The following GREB1 variants were observed in gnomAD, a reference collection of about 807,000 sequenced individuals.
GREB1 encodes protein GREB1.
GREB1 carries 106 observed loss-of-function variants against 200.7 expected under a neutral mutation model. The ratio of observed to expected loss-of-function variants is 0.53; its 90% CI spans 0.45 to 0.62. The LOEUF (loss-of-function observed/expected upper bound fraction) is 0.62. Among genes scored for constraint, GREB1 ranks in the 20% least tolerant of loss-of-function variants. The pLI is 0.00. For synonymous variants in GREB1, 1,132 were observed against 1,092.4 expected, an observed-to-expected ratio of 1.04 and a Z score of -0.72; for missense variants, 2,243 against 2,556.8, an observed-to-expected ratio of 0.88 and a Z score of 2.65.
At chr2:11,522,012 G>C (rs1480735563) in intron 1 of GREB1, among the ~76,000 whole-genome samples, 1 of 152,216 alleles carries the variant, frequency 6.6e-6, no homozygotes, top group Admixed American at 6.5e-5. Context: ...CTCAAAATAC[G>C]GAGTTGTCTG....
intron 9 of GREB1, among the ~76,000 whole-genome samples, chr2:11,586,800 C>A (rs1279791115): frequency 2.6e-5 from 4 of 152,212 alleles, no homozygotes; most frequent in African/African-American, 9.7e-5. Flanking sequence ...AAGTAGAGTG[C>A]AACTCTGAGT....
rs1480661384 is a variant in GREB1, at chr2:11,588,240, AG to A, written c.1160-505del. The A allele has an allele frequency of 3.0e-6, 3 of 992,664 alleles. No individual in the cohort carries two copies. The East Asian group carries it at 2.8e-4, about 91-fold the overall frequency. The allele number at this position is 992,664 out of a possible 1,614,324, so 61.5% of individuals were successfully genotyped here. A position where few individuals can be genotyped will look rare whatever the true frequency, so the allele number is the denominator to read the frequency against. On this transcript the variant is annotated intron_variant, in intron 9 of 32. Transcript: ENST00000381486. ...AAGACACTGTCTCAAAAAAAAAAAAAGAATGACTCAGTCTTCTGGTCTCTGT... is the reference window on the plus strand; with the variant it reads ...AAGACACTGTCTCAAAAAAAAAAAAAAATGACTCAGTCTTCTGGTCTCTGT...
At chr2:11,574,592 A>G (rs1295884373) in intron 4 of GREB1, among the ~76,000 whole-genome samples, 1 of 152,198 alleles carries the variant, frequency 6.6e-6, no homozygotes, top group Non-Finnish European at 1.5e-5. Context: ...GCTAGGGGGC[A>G]TTGGGGCAGC....
chr2:11,490,358 GT>G (rs1157310951), intron 1 of GREB1, among the ~76,000 whole-genome samples: 1 of 152,132 alleles, frequency 6.6e-6, no homozygotes, highest in Non-Finnish European at 1.5e-5. Flanking sequence ...TGTTTTCAAG[GT>G]TTACCCGTGT....
At chr2:11,483,715 TG>T (rs1157394168) in intron 1 of GREB1, among the ~76,000 whole-genome samples, 1 of 146,476 alleles carries the variant, frequency 6.8e-6, no homozygotes, top group African/African-American at 2.6e-5. Flanking sequence ...TGTGTGTGTG[TG>T]TGTGTGTGTG....
chr2:11,538,609 G>T (rs184441482), intron 1 of GREB1, among the ~76,000 whole-genome samples: 2 of 99,836 alleles, frequency 2.0e-5, no homozygotes, highest in Admixed American at 2.1e-4. Context: ...AGGAGCTTGT[G>T]TTTCTTTCTT....
At chr2:11,549,577 A>G (rs1675611760) in intron 1 of GREB1, among the ~76,000 whole-genome samples, 5 of 152,234 alleles carry the variant, frequency 3.3e-5, no homozygotes, top group Admixed American at 2.0e-4. Context: ...CAATAACAAA[A>G]TCATTTCAAT....
At chr2:11,615,926 G>C (rs1422105555) in intron 20 of GREB1, among the ~76,000 whole-genome samples, 1 of 152,250 alleles carries the variant, frequency 6.6e-6, no homozygotes, top group Non-Finnish European at 1.5e-5. Flanking sequence ...CGGGTCTGTG[G>C]TCTGCCTTGT....
intron 24 of GREB1, 82 bp from the exon 25 acceptor site, chr2:11,626,879 AT>A: frequency 7.0e-7 from 1 of 1,421,076 alleles, no homozygotes; most frequent in Non-Finnish European, 9.9e-7. Flanking sequence ...TCATTTGAGC[AT>A]TTTTGGTTTC....
At chr2:11,500,239 G>A (rs553684733) in intron 1 of GREB1, among the ~76,000 whole-genome samples, 20 of 152,194 alleles carry the variant, frequency 1.3e-4, no homozygotes, top group African/African-American at 4.3e-4. Context: ...TCGGCTTACC[G>A]CAACCTCCAC....
intron 1 of GREB1, among the ~76,000 whole-genome samples, chr2:11,483,479 ACTGT>A (rs1672567907): frequency 1.3e-5 from 2 of 149,630 alleles, no homozygotes; most frequent in Non-Finnish European, 3.0e-5. Context: ...GTTTAGGGAG[ACTGT>A]CTGGAGCCCA....
intron 5 of GREB1, among the ~76,000 whole-genome samples, chr2:11,577,035 A>AAAACAAACAAACAAAC (rs755354444): frequency 6.6e-6 from 1 of 151,918 alleles, no homozygotes; most frequent in Non-Finnish European, 1.5e-5. Context: ...ACTCCATCTC[A>AAAACAAACAAACAAAC]AAACAAACAA....
At chr2:11,578,646 T>C (rs1399883409) in intron 6 of GREB1, among the ~76,000 whole-genome samples, 1 of 152,250 alleles carries the variant, frequency 6.6e-6, no homozygotes, top group East Asian at 1.9e-4. Context: ...CTGTTTGATA[T>C]GAAGTGGGAT....
At position 11,620,913 on chromosome 2, in the gene GREB1, G is replaced by A. The variant is rs1398222492; in HGVS notation, c.4053G>A (p.Lys1351=). Reference sequence around the variant, plus strand: ...CTCCTATACCTTTACAGATCGGGAAGACAGGTGCCTACCTGCAGTTCCTCA... The same window carrying A: ...CTCCTATACCTTTACAGATCGGGAAAACAGGTGCCTACCTGCAGTTCCTCA... The part of the protein sequence containing the change: ...LLLSGPPQIG[K]TGAYLQFLSV... The change falls in exon 23 of 33, where the codon AAG becomes AAA. Residue 1351 remains lysine (K), a synonymous_variant. Coordinates refer to ENST00000381486, the MANE Select transcript of GREB1 (RefSeq NM_014668.4). 6.2e-7 allele frequency: 1 copy of A among 1,606,722 alleles called. No homozygotes were observed. The highest frequency in any genetic ancestry group is 8.5e-7 in the Non-Finnish European group (1 of 1,173,194).
intron 1 of GREB1, among the ~76,000 whole-genome samples, chr2:11,515,495 C>G (rs1435964835): frequency 6.6e-6 from 1 of 152,180 alleles, no homozygotes; most frequent in Non-Finnish European, 1.5e-5. Flanking sequence ...CTGTCTTTTT[C>G]CATTGTGTTT....
intron 9 of GREB1, among the ~76,000 whole-genome samples, chr2:11,586,990 G>T (rs965673236): frequency 6.6e-6 from 1 of 152,204 alleles, no homozygotes; most frequent in African/African-American, 2.4e-5. Flanking sequence ...AGGACAGGGT[G>T]CAGGGCTTGG....
In GREB1 at chr2:11,631,941, T is replaced by A. The variant is rs543684218; in HGVS notation, c.4644T>A (p.Thr1548=). 6 of 1,613,940 alleles carry A rather than the reference T, an allele frequency of 3.7e-6. No individual in the cohort carries two copies. The highest frequency in any genetic ancestry group is 5.1e-6 in the Non-Finnish European group (6 of 1,179,912). The change falls in exon 27 of 33, where the codon ACT becomes ACA. Residue 1548 remains threonine, a synonymous_variant. Transcript: ENST00000381486. Reference sequence around the variant, plus strand: ...AATATATAAAAAGTCCGACATTCACTCCAACCACCGGCCGTCACGAACATG... The same window carrying A: ...AATATATAAAAAGTCCGACATTCACACCAACCACCGGCCGTCACGAACATG... ...SHEYIKSPTF[T]PTTGRHEHGL... is the part of the protein sequence containing the mutation.
chr2:11,524,954 C>CT (rs1348395080), intron 1 of GREB1, among the ~76,000 whole-genome samples: 1 of 152,164 alleles, frequency 6.6e-6, no homozygotes, highest in Non-Finnish European at 1.5e-5. Context: ...CGGCCGTGTT[C>CT]TTTTCATCCC....
intron 16 of GREB1, 78 bp from the exon 17 acceptor site, chr2:11,602,328 C>T: frequency 2.2e-6 from 3 of 1,344,986 alleles, no homozygotes; most frequent in Non-Finnish European, 3.2e-6. Flanking sequence ...CCCAGGTCAT[C>T]CGCAGGCCTG....
Sources: allele counts gnomAD v4.1 joint callset (sites outside exome capture counted in the v4.1 genomes callset), GRCh38; gene constraint gnomAD v4.1.1; transcripts MANE v1.5; gene names NCBI Gene and HGNC (gene_info 2026-07-23, HGNC 2026-07-21).